Variants in HIPK1 observed in about 807,000 individuals in gnomAD.
HIPK1 encodes the protein homeodomain-interacting protein kinase 1.
A neutral mutation model predicts 117.1 loss-of-function variants in HIPK1; 28 were observed. The observed-to-expected ratio is 0.24, with a 90% CI of 0.18 to 0.33. The LOEUF is 0.33. Among genes scored for constraint, HIPK1 ranks in the 10% least tolerant of loss-of-function variants. HIPK1 has a pLI of 1.00. For synonymous variants in HIPK1, 605 were observed against 562.5 expected, an observed-to-expected ratio of 1.08 and a Z score of -1.07; for missense variants, 1,122 against 1,475.1, an observed-to-expected ratio of 0.76 and a Z score of 3.92.
intron 10 of HIPK1, among the ~76,000 whole-genome samples, chr1:113,964,945 C>A (rs896715129): frequency 6.6e-6 from 1 of 152,224 alleles, no homozygotes; most frequent in Admixed American, 6.5e-5. Context: ...TTATTTCTTG[C>A]TTTGTATTAA....
At chr1:113,931,824 A>T (rs1000122783) in intron 1 of HIPK1, among the ~76,000 whole-genome samples, 12 of 152,148 alleles carry the variant, frequency 7.9e-5, no homozygotes, top group Admixed American at 6.5e-5. Context: ...ATATATTGTA[A>T]CTGGTCTTGT....
Position 113,956,772 on chromosome 1 carries a change from T to C in HIPK1, c.1553T>C (p.Val518Ala), listed in dbSNP as rs894387576. 1 of 1,614,040 alleles carries C rather than the reference T, an allele frequency of 6.2e-7. No individual in the cohort carries two copies. The highest frequency in any genetic ancestry group is 1.3e-5 in the African/African-American group (1 of 74,930). Reference sequence around the variant, plus strand: ...CTAAAAACTCTTAACCATCAGTTTGTGACAATGACTCACCTTTTGGATTTT... The same window carrying C: ...CTAAAAACTCTTAACCATCAGTTTGCGACAATGACTCACCTTTTGGATTTT... ...TPLKTLNHQF[V>A]TMTHLLDFPH... Residue 518 changes from valine (V) to alanine (A), a missense_variant, in exon 6 of 16, where the codon GTG becomes GCG. Transcript: ENST00000426820.
chr1:113,938,929 T>TACACACACACACACACACAC (rs55979020), intron 1 of HIPK1, among the ~76,000 whole-genome samples: 86 of 115,486 alleles, frequency 7.4e-4, no homozygotes, highest in Admixed American at 1.4e-3. Flanking sequence ...AAAAAAAAAA[T>TACACACACACACACACACAC]ACACACACAC....
chr1:113,955,757 A>G (rs903435392), intron 5 of HIPK1, 108 bp downstream of exon 5: 1 of 606,210 alleles, frequency 1.6e-6, no homozygotes, highest in East Asian at 2.8e-5. Flanking sequence ...ATTTGTTTTC[A>G]GTTTTTATAA....
At chr1:113,965,943 A>G (rs1201153434) in intron 10 of HIPK1, among the ~76,000 whole-genome samples, 187 bp from the exon 11 acceptor site, 1 of 152,128 alleles carries the variant, frequency 6.6e-6, no homozygotes, top group Non-Finnish European at 1.5e-5. Flanking sequence ...AGAAAGCAGT[A>G]TGTTTTCTTT....
intron 1 of HIPK1, among the ~76,000 whole-genome samples, chr1:113,940,112 G>A (rs1670552065): frequency 1.3e-5 from 2 of 151,894 alleles, no homozygotes; most frequent in Non-Finnish European, 2.9e-5. Flanking sequence ...GCCCATACTG[G>A]TTACTTTTTT....
At position 113,941,802 on chromosome 1, in the gene HIPK1, C is replaced by T. The variant is rs1447325866; in HGVS notation, c.1076+343C>T. On this transcript the variant is annotated intron_variant, in intron 2 of 15. Transcript: ENST00000426820. This position sits in a 1 kb window ranked among gnomAD's most constrained non-coding sequence, Gnocchi z 4.9. ...AGAGACAGAATCTCGCTCTGTCGCC[C>T]AGGCTGGAGTGCAGTGGCGTGATAT... Among the ~76,000 whole-genome samples, 1 of 152,066 alleles carries T rather than the reference C, an allele frequency of 6.6e-6. No homozygotes were observed. Among genetic ancestry groups the T allele is most frequent in the Non-Finnish European group, 1.5e-5 (1 of 68,020 alleles).
In HIPK1 at chr1:113,975,691, CAAG is replaced by C. The variant is rs1673104790; in HGVS notation, c.*2180_*2182del. The C allele has an allele frequency of 6.6e-6, 1 of 152,664 alleles. No homozygotes were observed. Among genetic ancestry groups the C allele is most frequent in the Non-Finnish European group, 1.5e-5 (1 of 68,028 alleles). The allele number at this position is 152,664 out of a possible 1,614,324, so 9.5% of individuals were successfully genotyped here. On this transcript the variant is annotated 3_prime_UTR_variant, in exon 16 of 16. Coordinates refer to ENST00000426820, the MANE Select transcript of HIPK1 (RefSeq NM_198268.3). ...AGAAGTTTTGTGGTGCCGCTGGTGA[CAAG>C]GAACTCACAGAAAGGTTTCTTAGCT...
chr1:113,972,142 A>C (rs1672881396), intron 15 of HIPK1, 188 bp downstream of exon 15: 6 of 1,490,744 alleles, frequency 4.0e-6, no homozygotes, highest in Non-Finnish European at 5.4e-6. Context: ...AAGTGTGTTC[A>C]GGATGTACAT....
intron 1 of HIPK1, among the ~76,000 whole-genome samples, chr1:113,939,502 G>C (rs906066677): frequency 6.6e-6 from 1 of 152,026 alleles, no homozygotes; most frequent in African/African-American, 2.4e-5. Flanking sequence ...AATTCTGAAT[G>C]TATTGAATAT....
At position 113,973,038 on chromosome 1, in the gene HIPK1, G is replaced by A. The variant is rs755356069; in HGVS notation, c.3159G>A (p.Ser1053=). ...CTTTCTTCCAGAACCAGCAGTCATC[G>A]GCGGCTCCAACCTCACAGGAGAGAA... ...PLNLSQNQQS[S]AAPTSQERSS... The change falls in exon 16 of 16, where the codon TCG becomes TCA. Residue 1053 remains serine (S), a synonymous_variant. Coordinates refer to ENST00000426820, the MANE Select transcript of HIPK1 (RefSeq NM_198268.3). The A allele has an allele frequency of 2.7e-5, 41 of 1,515,380 alleles. No individual in the cohort carries two copies. The highest frequency in any genetic ancestry group is 1.4e-4 in the Admixed American group (6 of 44,210). 93.9% of individuals were successfully genotyped at this position (1,515,380 alleles called of 1,614,324 possible). A position where few individuals can be genotyped will look rare whatever the true frequency, so the allele number is the denominator to read the frequency against.
chr1:113,963,579 TG>T, intron 10 of HIPK1, 58 bp downstream of exon 10: 1 of 1,546,342 alleles, frequency 6.5e-7, no homozygotes, highest in Admixed American at 2.2e-5. Context: ...CTTTCTTTTT[TG>T]TTTTTTCCTG....
rs1026588246 is a variant in HIPK1, at chr1:113,976,973, G to A, written c.*3461G>A. On this transcript the variant is annotated 3_prime_UTR_variant, in exon 16 of 16. Coordinates refer to ENST00000426820, the MANE Select transcript of HIPK1 (RefSeq NM_198268.3). ...CCCAGGAGGTGATATTATTTTCAGTGCTCAGCTGAAATACCAACCCCAGGA... is the reference window on the plus strand; with the variant it reads ...CCCAGGAGGTGATATTATTTTCAGTACTCAGCTGAAATACCAACCCCAGGA... The A allele has an allele frequency of 1.3e-5, 2 of 152,742 alleles. No homozygotes were observed. The highest frequency in any genetic ancestry group is 4.8e-5 in the African/African-American group (2 of 41,426). The allele number at this position is 152,742 out of a possible 1,614,324, so 9.5% of individuals were successfully genotyped here.
intron 2 of HIPK1, among the ~76,000 whole-genome samples, chr1:113,944,682 G>C (rs180846611): frequency 3.3e-5 from 5 of 151,258 alleles, no homozygotes; most frequent in South Asian, 2.1e-4. Flanking sequence ...GTTTCACCAT[G>C]TTGGCCGGGA....
intron 14 of HIPK1, 99 bp from the exon 15 acceptor site, chr1:113,971,724 GC>G (rs1355644375): frequency 3.4e-6 from 4 of 1,161,112 alleles, no homozygotes; most frequent in Non-Finnish European, 4.8e-6. Context: ...AGACCTTAAT[GC>G]TTGCAAACTA....
rs1256548691 is a variant in HIPK1, at chr1:113,944,533, G to C, written c.1076+3074G>C. On this transcript the variant is annotated intron_variant, in intron 2 of 15. Transcript: ENST00000426820. Reference sequence around the variant, plus strand: ...GGAGTCTTGCTCTGTTGCCAGGCTGGAGTGCAGTGGCACAATCTCGGTTCA... The same window carrying C: ...GGAGTCTTGCTCTGTTGCCAGGCTGCAGTGCAGTGGCACAATCTCGGTTCA... Among the ~76,000 whole-genome samples the C allele has an allele frequency of 4.0e-5, 6 of 150,604 alleles. No individual in the cohort carries two copies. In the East Asian group the frequency reaches 1.2e-3, roughly 29 times the overall value.
chr1:113,940,375 A>G lies in HIPK1; in HGVS notation c.-2-7A>G. The stretch of plus-strand genomic sequence containing the variant: ...TGTGGTCTAATTCTTCCTTTCTCTC[A>G]ATATAGGTATGGCATCACAGCTGCA... On this transcript the variant is annotated splice_polypyrimidine_tract_variant and splice_region_variant and intron_variant, in intron 1 of 15. Coordinates refer to ENST00000426820, the MANE Select transcript of HIPK1 (RefSeq NM_198268.3). 2 of 1,572,290 alleles carry G rather than the reference A, an allele frequency of 1.3e-6. No homozygotes were observed.
At chr1:113,972,195 T>G in intron 15 of HIPK1, 1 of 1,137,628 alleles carries the variant, frequency 8.8e-7, no homozygotes, top group African/African-American at 1.6e-5. Flanking sequence ...CCCTGGAAGG[T>G]TAGAGAAACG....
At chr1:113,955,021 A>G (rs533080345) in intron 4 of HIPK1, among the ~76,000 whole-genome samples, 43 of 152,380 alleles carry the variant, frequency 2.8e-4, no homozygotes, top group Non-Finnish European at 5.7e-4. Context: ...TTTGGAGGGT[A>G]GTGCTCACCA....
Sources: gnomAD v4.1 joint callset for allele counts (sites outside exome capture counted in the v4.1 genomes callset) on GRCh38, gnomAD v4.1.1 for gene constraint, Gnocchi (gnomAD v3.1) non-coding constraint, MANE v1.5 for transcripts, NCBI Gene and HGNC (gene_info 2026-07-23, HGNC 2026-07-21) for gene names.